The following PRRC2B variants were observed in gnomAD, a reference collection of about 807,000 sequenced individuals.
PRRC2B encodes the protein protein PRRC2B.
Under a neutral mutation model 242.3 loss-of-function variants are expected in PRRC2B, and 68 were observed. The ratio of observed to expected loss-of-function variants is 0.28; its 90% confidence interval spans 0.23 to 0.34. The LOEUF (loss-of-function observed/expected upper bound fraction) is 0.34. PRRC2B is among the 10% of genes least tolerant of loss of function. The probability of loss-of-function intolerance (pLI) is 1.00; values close to 1 mark genes in which losing one functional copy is unlikely to be tolerated. For synonymous variants in PRRC2B, 1,228 were observed against 1,173.6 expected, an observed-to-expected ratio of 1.05 and a Z score of -0.95; for missense variants, 2,835 against 2,954.8, an observed-to-expected ratio of 0.96 and a Z score of 0.94.
chr9:131,391,220 G>A (rs72770775), upstream of PRRC2B, among the ~76,000 whole-genome samples: 6,224 of 152,100 alleles, frequency 0.041, 176 homozygotes, highest in Non-Finnish European at 0.065. Flanking sequence ...TGGAGGTCAC[G>A]GTGGTTGGCA....
chr9:131,437,939 C>T (rs1406892477), intron 4 of PRRC2B, among the ~76,000 whole-genome samples: 2 of 152,134 alleles, frequency 1.3e-5, no homozygotes, highest in African/African-American at 4.8e-5. Flanking sequence ...TGGGTGAGGT[C>T]CTGGGCATCT....
intron 1 of PRRC2B, among the ~76,000 whole-genome samples, chr9:131,387,344 G>A (rs555798034): frequency 2.0e-5 from 3 of 150,126 alleles, no homozygotes; most frequent in East Asian, 2.0e-4. Flanking sequence ...TTTATGTTCC[G>A]TGGCAGCTGA....
intron 23 of PRRC2B, 63 bp downstream of exon 23, chr9:131,483,508 G>A: frequency 7.1e-7 from 1 of 1,414,500 alleles, no homozygotes; most frequent in Non-Finnish European, 1.0e-6. Context: ...CCTGGGTGAA[G>A]GAGACAGCAC....
intron 1 of PRRC2B, among the ~76,000 whole-genome samples, chr9:131,404,014 C>G (rs574682693): frequency 6.6e-6 from 1 of 152,032 alleles, no homozygotes; most frequent in South Asian, 2.1e-4. Context: ...CTCCTGGCCT[C>G]AAGCTGTCTT....
At chr9:131,425,711 G>C (rs1399330581) in intron 1 of PRRC2B, among the ~76,000 whole-genome samples, 1 of 149,186 alleles carries the variant, frequency 6.7e-6, no homozygotes, top group Non-Finnish European at 1.5e-5. Flanking sequence ...GGATGATCTC[G>C]ATCTCCTGAC....
chr9:131,410,811 C>T (rs981866451), intron 1 of PRRC2B, among the ~76,000 whole-genome samples: 1 of 152,148 alleles, frequency 6.6e-6, no homozygotes, highest in Non-Finnish European at 1.5e-5. Context: ...ATTACACTCC[C>T]TAGCTCTCTT....
intron 28 of PRRC2B, among the ~76,000 whole-genome samples, chr9:131,489,763 C>T (rs576782261): frequency 6.6e-6 from 1 of 152,286 alleles, no homozygotes; most frequent in South Asian, 2.1e-4. Flanking sequence ...GGCCCTGCCC[C>T]AGCACATCTC....
chr9:131,495,753 T>G lies in PRRC2B; in HGVS notation c.6569T>G (p.Val2190Gly). The G allele has an allele frequency of 6.2e-7, 1 of 1,611,192 alleles. No homozygotes were observed. The part of the protein sequence containing the change: ...GHYVQQAKQR[V>G]DEKPSLGAVK... ...ATCTGTCCAAAGGCAAAACAACGAG[T>G]GGATGAGAAACCCAGCCTGGGAGCC... Residue 2190 changes from valine (V) to glycine (G), a missense_variant, in exon 32 of 32, where the codon GTG becomes GGG. By Grantham distance (109) the Val-to-Gly change is moderately radical. This residue lies in a region of PRRC2B where 574 missense variants were observed against 626.0 expected (regional missense o/e 0.92). Transcript: ENST00000683519.
At chr9:131,420,477 C>CTT (rs1442803329) in intron 1 of PRRC2B, among the ~76,000 whole-genome samples, 2 of 14,536 alleles carry the variant, frequency 1.4e-4, no homozygotes, top group East Asian at 4.1e-3. Context: ...TTCTTTCTTT[C>CTT]TTTCTTTCTT....
Position 131,458,749 on chromosome 9 carries a change from C to T in PRRC2B, c.1212-415C>T, listed in dbSNP as rs138523144. ...AACTCCTGACCTCAAATGATCAGCC[C>T]GCCTCAGCCTCCCAAAGTGCTAGGA... On this transcript the variant is annotated intron_variant, in intron 10 of 31. Coordinates refer to ENST00000683519, the MANE Select transcript of PRRC2B (RefSeq NM_013318.4). Among the ~76,000 whole-genome samples the T allele has an allele frequency of 2.0e-3, 310 of 152,254 alleles. 2 individuals carry two copies. The highest frequency in any genetic ancestry group is 6.1e-3 in the African/African-American group (252 of 41,536).
At chr9:131,438,605 C>A (rs1838453497) in intron 4 of PRRC2B, among the ~76,000 whole-genome samples, 1 of 152,152 alleles carries the variant, frequency 6.6e-6, no homozygotes, top group African/African-American at 2.4e-5. Flanking sequence ...CATGCCGGAA[C>A]TGGGCCTTAG....
At chr9:131,460,751 C>T (rs1045337449) in intron 11 of PRRC2B, among the ~76,000 whole-genome samples, 13 of 152,166 alleles carry the variant, frequency 8.5e-5, no homozygotes, top group African/African-American at 2.9e-4. Context: ...TTTCCCTGTT[C>T]TCCATCCTTT....
At chr9:131,455,395 AGTGTGTCCCCAGGT>A (rs1042393877) in intron 10 of PRRC2B, among the ~76,000 whole-genome samples, 14 of 152,022 alleles carry the variant, frequency 9.2e-5, no homozygotes, top group African/African-American at 2.9e-4. Flanking sequence ...CCACTGCATC[AGTGTGTCCCCAGGT>A]GTGTTATGCA....
chr9:131,486,303 G>GTGACCAGCACC, intron 26 of PRRC2B, 121 bp downstream of exon 26: 1 of 860,064 alleles, frequency 1.2e-6, no homozygotes. Context: ...CTCACATGTG[G>GTGACCAGCACC]TGACCAGCAC....
At chr9:131,471,213 A>G (rs535107739) in intron 14 of PRRC2B, among the ~76,000 whole-genome samples, 4 of 152,090 alleles carry the variant, frequency 2.6e-5, no homozygotes, top group Non-Finnish European at 5.9e-5. Context: ...AAATTGCTTT[A>G]ATTAATTTTA....
intron 1 of PRRC2B, among the ~76,000 whole-genome samples, chr9:131,410,408 AG>A (rs1020470559): frequency 1.4e-4 from 21 of 152,188 alleles, no homozygotes; most frequent in African/African-American, 5.1e-4. Flanking sequence ...TCAGGTCCCC[AG>A]GGGTGCTGGC....
chr9:131,463,922 C>T (rs530146856), intron 11 of PRRC2B, among the ~76,000 whole-genome samples: 12 of 150,350 alleles, frequency 8.0e-5, no homozygotes, highest in Admixed American at 6.6e-4. Context: ...CATGAGCTAC[C>T]GTGCCTTTGC....
At chr9:131,492,842 T>TG (rs1206302209) in intron 30 of PRRC2B, among the ~76,000 whole-genome samples, 1 of 152,256 alleles carries the variant, frequency 6.6e-6, no homozygotes, top group Non-Finnish European at 1.5e-5. Context: ...CGAGAGCCTC[T>TG]GGTCCACTGC....
Position 131,470,567 on chromosome 9 carries a change from T to C in PRRC2B, c.1912-221T>C, listed in dbSNP as rs117334641. The stretch of plus-strand genomic sequence containing the variant: ...CACAGATGAGCCTCCATTGTGATAA[T>C]GGCATGGCTGTCCACCAGCCTTGGA... On this transcript the variant is annotated intron_variant, in intron 13 of 31. Coordinates refer to ENST00000683519, the MANE Select transcript of PRRC2B (RefSeq NM_013318.4). Among the ~76,000 whole-genome samples the C allele has an allele frequency of 8.8e-3, 1,345 of 152,186 alleles. 9 individuals carry two copies. Among genetic ancestry groups the C allele is most frequent in the Non-Finnish European group, 0.014 (984 of 67,990 alleles).
Sources: gnomAD v4.1 joint callset for allele counts (sites outside exome capture counted in the v4.1 genomes callset) on GRCh38, gnomAD v4.1.1 for gene constraint, gnomAD v4.1.1 regional missense constraint, MANE v1.5 for transcripts, NCBI Gene and HGNC (gene_info 2026-07-23, HGNC 2026-07-21) for gene names.